The following POU2F1 variants were observed in gnomAD, a reference collection of about 807,000 sequenced individuals.
POU2F1 encodes POU domain, class 2, transcription factor 1.
A neutral mutation model predicts 84.9 loss-of-function variants in POU2F1; 16 were observed. The ratio of observed to expected loss-of-function variants is 0.19; its 90% CI spans 0.13 to 0.29. The LOEUF is 0.29. Among genes scored for constraint, POU2F1 ranks in the 10% least tolerant of loss-of-function variants. The pLI is 1.00. For missense variants in POU2F1, 738 were observed against 942.6 expected (o/e 0.78, Z 2.84); for synonymous variants, 368 against 368.3 (o/e 1.00, Z 0.01).
At chr1:167,273,798 T>G (rs1010601183) in intron 1 of POU2F1, among the ~76,000 whole-genome samples, 1 of 152,232 alleles carries the variant, frequency 6.6e-6, no homozygotes, top group East Asian at 1.9e-4. Flanking sequence ...GAACTTGTGG[T>G]CTTTCCCCTC....
At chr1:167,230,254 T>TGGAA (rs1330560258) in intron 1 of POU2F1, among the ~76,000 whole-genome samples, 1 of 152,104 alleles carries the variant, frequency 6.6e-6, no homozygotes, top group East Asian at 1.9e-4. Context: ...TTTCCTCCAT[T>TGGAA]GGAAGGCCAT....
At position 167,412,217 on chromosome 1, in the gene POU2F1, A is replaced by T; in HGVS notation, c.1814A>T (p.Gln605Leu). Residue 605 changes from glutamine to leucine, a missense_variant, in exon 14 of 16, where the codon CAG becomes CTG. Around this residue, in one of 4 missense-constraint regions of POU2F1, gnomAD observed 319 missense variants for 386.0 expected, o/e 0.83. Coordinates refer to ENST00000367866, the MANE Select transcript of POU2F1 (RefSeq NM_002697.4). ...GCTGCTGCCCTTCAAGGAGCTGCAC[A>T]GTTGCCAGCAAATGCCAGTCTTGCT... ...AAAAALQGAA[Q>L]LPANASLAAM... 1 of 1,609,984 alleles carries T rather than the reference A, an allele frequency of 6.2e-7. No individual in the cohort carries two copies.
intron 2 of POU2F1, among the ~76,000 whole-genome samples, chr1:167,334,398 C>G (rs1227430017): frequency 6.6e-6 from 1 of 151,786 alleles, no homozygotes; most frequent in East Asian, 1.9e-4. Context: ...GTGGGCATTA[C>G]CTGATTTCGA....
chr1:167,391,460 A>G (rs1369199341), intron 9 of POU2F1, among the ~76,000 whole-genome samples: 5 of 151,502 alleles, frequency 3.3e-5, no homozygotes, highest in Non-Finnish European at 7.4e-5. Context: ...AAGTACGGTA[A>G]TGCTCCACCT....
At chr1:167,293,723 G>T (rs1340073389) in intron 1 of POU2F1, among the ~76,000 whole-genome samples, 1 of 152,210 alleles carries the variant, frequency 6.6e-6, no homozygotes, top group Non-Finnish European at 1.5e-5. Context: ...CAAGGCTGTA[G>T]TTACCAAAGC....
chr1:167,398,907 G>T (rs1434313250), intron 11 of POU2F1, among the ~76,000 whole-genome samples: 1 of 152,122 alleles, frequency 6.6e-6, no homozygotes, highest in African/African-American at 2.4e-5. Context: ...AATACATGTG[G>T]TTGTACTGGT....
At chr1:167,312,080 A>G (rs542231349) in intron 1 of POU2F1, among the ~76,000 whole-genome samples, 57 of 152,062 alleles carry the variant, frequency 3.7e-4, no homozygotes, top group Admixed American at 7.9e-4. Context: ...AATTACAGGC[A>G]TGCGCCACCA....
intron 1 of POU2F1, among the ~76,000 whole-genome samples, chr1:167,234,717 G>C (rs976933352): frequency 6.6e-6 from 1 of 152,182 alleles, no homozygotes; most frequent in Non-Finnish European, 1.5e-5. Flanking sequence ...CAGGATGACA[G>C]AGCAATACCA....
chr1:167,296,516 T>A (rs1654298916), intron 1 of POU2F1, among the ~76,000 whole-genome samples: 1 of 152,174 alleles, frequency 6.6e-6, no homozygotes, highest in South Asian at 2.1e-4. Flanking sequence ...TACACAGCGT[T>A]GCACTCCATT....
intron 1 of POU2F1, among the ~76,000 whole-genome samples, chr1:167,326,003 A>G (rs1047189834): frequency 6.6e-6 from 1 of 152,116 alleles, no homozygotes; most frequent in Non-Finnish European, 1.5e-5. Flanking sequence ...TGTGAAATAC[A>G]TGAGTTTGAA....
chr1:167,303,458 C>G (rs1184072191), intron 1 of POU2F1: 1 of 154,286 alleles, frequency 6.5e-6, no homozygotes, highest in Non-Finnish European at 1.5e-5. Flanking sequence ...GCCTTTTTCT[C>G]TTTTTGTGTT....
chr1:167,336,309 G>A (rs1395780240), intron 2 of POU2F1, among the ~76,000 whole-genome samples: 1 of 152,182 alleles, frequency 6.6e-6, no homozygotes, highest in Non-Finnish European at 1.5e-5. Flanking sequence ...ATGATCTCAA[G>A]TATTGTGAGT....
In POU2F1 at chr1:167,389,605, C is replaced by T; in HGVS notation, c.831C>T (p.Arg277=). ...TCCAACAGCCAGCAACCCCAACACG[C>T]ACAATAGCAGCAACCCCAATTCAGA... ...TLTSQPATPT[R]TIAATPIQTL... The change falls in exon 9 of 16, where the codon CGC becomes CGT. Residue 277 remains arginine, a synonymous_variant. Coordinates refer to ENST00000367866, the MANE Select transcript of POU2F1 (RefSeq NM_002697.4). 2 of 1,614,162 alleles carry T rather than the reference C, an allele frequency of 1.2e-6. No homozygotes were observed. The highest frequency in any genetic ancestry group is 1.7e-6 in the Non-Finnish European group (2 of 1,180,028).
rs373719279 is a variant in POU2F1, at chr1:167,420,974, C to T, written c.*5164C>T. On this transcript the variant is annotated 3_prime_UTR_variant, in exon 16 of 16. Coordinates refer to ENST00000367866, the MANE Select transcript of POU2F1 (RefSeq NM_002697.4). ...ACTAATGGGAGAAAAATACTAAAGA[C>T]CCAAAATTTAAAATTTTCCAAAATG... is the stretch of plus-strand genomic sequence containing the variant. 1.2e-4 allele frequency: 18 copies of T among 152,268 alleles called. No individual in the cohort carries two copies. Among genetic ancestry groups the T allele is most frequent in the African/African-American group, 4.1e-4 (17 of 41,550 alleles). The allele number at this position is 152,268 out of a possible 1,614,324, so 9.4% of individuals were successfully genotyped here.
At chr1:167,405,765 G>T (rs1047895538) in intron 13 of POU2F1, among the ~76,000 whole-genome samples, 36 of 152,166 alleles carry the variant, frequency 2.4e-4, no homozygotes, top group African/African-American at 8.4e-4. Flanking sequence ...GCCATCTGCA[G>T]AACACTTGGT....
chr1:167,321,390 A>G (rs115132658), intron 1 of POU2F1, among the ~76,000 whole-genome samples: 1 of 152,220 alleles, frequency 6.6e-6, no homozygotes, highest in Non-Finnish European at 1.5e-5. Flanking sequence ...AGTCTTTTAA[A>G]TCTATGACTA....
intron 1 of POU2F1, among the ~76,000 whole-genome samples, chr1:167,298,970 C>T (rs1654469088): frequency 6.6e-6 from 1 of 151,980 alleles, no homozygotes; most frequent in Non-Finnish European, 1.5e-5. Context: ...TCGAGACCAG[C>T]CTGACCAACA....
intron 3 of POU2F1, among the ~76,000 whole-genome samples, chr1:167,367,042 C>G (rs991791168): frequency 6.6e-6 from 1 of 152,148 alleles, no homozygotes; most frequent in African/African-American, 2.4e-5. Flanking sequence ...ACCTCTAGAT[C>G]TAGCCACTGA....
Position 167,222,547 on chromosome 1 carries a change from G to C in POU2F1, c.61+1589G>C, listed in dbSNP as rs113730505. Among the ~76,000 whole-genome samples the C allele has an allele frequency of 4.2e-3, 637 of 152,194 alleles. 6 individuals are homozygous for C. Among genetic ancestry groups the C allele is most frequent in the African/African-American group, 0.015 (612 of 41,500 alleles). ...AACCCAGGCCGTGCTGGGAAGAGAGGGGGGAAGCTGGGCCTTGGCTTCTCT... is the reference window on the plus strand; with the variant it reads ...AACCCAGGCCGTGCTGGGAAGAGAGCGGGGAAGCTGGGCCTTGGCTTCTCT... On this transcript the variant is annotated intron_variant, in intron 1 of 15. Coordinates refer to ENST00000367866, the MANE Select transcript of POU2F1 (RefSeq NM_002697.4).
Sources: allele counts gnomAD v4.1 joint callset (sites outside exome capture counted in the v4.1 genomes callset), GRCh38; gene constraint gnomAD v4.1.1; regional missense constraint gnomAD v4.1.1; transcripts MANE v1.5; gene names NCBI Gene and HGNC (gene_info 2026-07-23, HGNC 2026-07-21).